SGMS1: variants seen among roughly 807,000 people sequenced by gnomAD.
SGMS1 encodes sphingomyelin synthase 1.
Under a neutral mutation model 46.2 loss-of-function variants are expected in SGMS1, and 13 were observed. The observed-to-expected ratio is 0.28, with a 90% confidence interval of 0.18 to 0.45. SGMS1 has a LOEUF of 0.45. Ranked by LOEUF, SGMS1 falls within the 20% of genes least tolerant of loss-of-function variation. The pLI, the probability that SGMS1 is intolerant of heterozygous loss-of-function variation, is 1.00. For missense variants in SGMS1, 324 were observed against 519.9 expected, an observed-to-expected ratio of 0.62 and a Z score of 3.66; for synonymous variants, 203 against 187.8, an observed-to-expected ratio of 1.08 and a Z score of -0.66.
At chr10:50,477,835 G>T (rs552465888) in intron 3 of SGMS1, among the ~76,000 whole-genome samples, 1 of 152,202 alleles carries the variant, frequency 6.6e-6, no homozygotes, top group East Asian at 1.9e-4. Context: ...CTTCTGCCAC[G>T]ATTGTAAGTT....
At chr10:50,310,527 A>C (rs1028070264) in intron 9 of SGMS1, among the ~76,000 whole-genome samples, 4 of 152,176 alleles carry the variant, frequency 2.6e-5, no homozygotes, top group Non-Finnish European at 5.9e-5. Context: ...TATGTATATA[A>C]ATTTAAAAAA....
At chr10:50,372,731 A>G (rs1848460257) in intron 6 of SGMS1, among the ~76,000 whole-genome samples, 1 of 140,238 alleles carries the variant, frequency 7.1e-6, no homozygotes. Flanking sequence ...AGATTTTTAC[A>G]TGGGAAAGTA....
intron 2 of SGMS1, among the ~76,000 whole-genome samples, chr10:50,587,631 A>ACGTG (rs1554794355): frequency 8.4e-6 from 1 of 118,658 alleles, no homozygotes; most frequent in Non-Finnish European, 1.8e-5. Flanking sequence ...CTCAAAATAT[A>ACGTG]TATGTGTGTG....
chr10:50,427,194 A>C (rs1191148817), intron 6 of SGMS1, among the ~76,000 whole-genome samples: 1 of 152,126 alleles, frequency 6.6e-6, no homozygotes, highest in Non-Finnish European at 1.5e-5. Context: ...GTCAGGAGAT[A>C]GAGACAATCC....
intron 2 of SGMS1, among the ~76,000 whole-genome samples, chr10:50,576,447 C>T (rs893908493): frequency 2.0e-5 from 3 of 152,214 alleles, no homozygotes; most frequent in South Asian, 2.1e-4. Context: ...TGGAGGAGCA[C>T]GCCCCTTTTG....
At chr10:50,595,207 G>A (rs774983975) in intron 1 of SGMS1, among the ~76,000 whole-genome samples, 4 of 150,652 alleles carry the variant, frequency 2.7e-5, no homozygotes, top group Non-Finnish European at 5.9e-5. Flanking sequence ...ATGGAGTCCC[G>A]CTCTGTTGCC....
chr10:50,370,438 T>A (rs1172519462), intron 6 of SGMS1, among the ~76,000 whole-genome samples: 1 of 151,256 alleles, frequency 6.6e-6, no homozygotes, highest in South Asian at 2.1e-4. Context: ...TTAAAAAATT[T>A]TTTTTTTTTA....
intron 2 of SGMS1, among the ~76,000 whole-genome samples, chr10:50,568,111 T>G (rs2131852782): frequency 1.3e-5 from 2 of 152,312 alleles, no homozygotes; most frequent in Non-Finnish European, 2.9e-5. Context: ...ATACCTAAAA[T>G]ATATCAAACA....
At chr10:50,597,770 T>C (rs1838608701) in intron 1 of SGMS1, among the ~76,000 whole-genome samples, 1 of 152,098 alleles carries the variant, frequency 6.6e-6, no homozygotes, top group Admixed American at 6.6e-5. Context: ...CCCAGCACTT[T>C]GGGAGGCCGA....
intron 3 of SGMS1, among the ~76,000 whole-genome samples, chr10:50,468,193 C>T (rs1251716252): frequency 6.6e-6 from 1 of 152,172 alleles, no homozygotes; most frequent in Non-Finnish European, 1.5e-5. Context: ...GATACCAATA[C>T]TGAGTCTCAA....
At chr10:50,480,958 T>C (rs1837471312) in intron 3 of SGMS1, among the ~76,000 whole-genome samples, 1 of 151,416 alleles carries the variant, frequency 6.6e-6, no homozygotes, top group Admixed American at 6.6e-5. Context: ...GGGCAGGGCA[T>C]CCCTGTGGGA....
chr10:50,548,302 T>C (rs1185407642), intron 2 of SGMS1, among the ~76,000 whole-genome samples: 1 of 152,174 alleles, frequency 6.6e-6, no homozygotes. Flanking sequence ...GCTACCCAAC[T>C]TCAAACTATA....
intron 6 of SGMS1, among the ~76,000 whole-genome samples, chr10:50,424,243 C>T (rs1849293973): frequency 6.6e-6 from 1 of 152,192 alleles, no homozygotes; most frequent in Non-Finnish European, 1.5e-5. Flanking sequence ...CAGTCACAGT[C>T]ACTAGCCAGA....
At chr10:50,550,293 A>T (rs1407666990) in intron 2 of SGMS1, among the ~76,000 whole-genome samples, 1 of 152,216 alleles carries the variant, frequency 6.6e-6, no homozygotes, top group Non-Finnish European at 1.5e-5. Context: ...CTTGGTAGCA[A>T]ATAATAGGCC....
chr10:50,319,529 A>G (rs7090022), intron 8 of SGMS1, among the ~76,000 whole-genome samples: 5,571 of 152,278 alleles, frequency 0.037, 342 homozygotes, highest in African/African-American at 0.13. Flanking sequence ...GAGAATACAC[A>G]TTGAGGTTAC....
At chr10:50,623,442 G>A (rs1838876169) in intron 1 of SGMS1, 1 of 328,612 alleles carries the variant, frequency 3.0e-6, no homozygotes, top group African/African-American at 2.3e-5. Flanking sequence ...CCCCAACTTA[G>A]CCGGGGAGCC....
chr10:50,308,932 C>T (rs1489616097), intron 9 of SGMS1, among the ~76,000 whole-genome samples: 1 of 152,198 alleles, frequency 6.6e-6, no homozygotes, highest in African/African-American at 2.4e-5. Context: ...AAGAACCAGT[C>T]ATTCATTCAA....
At chr10:50,576,761 C>T (rs771335574) in intron 2 of SGMS1, among the ~76,000 whole-genome samples, 2 of 152,180 alleles carry the variant, frequency 1.3e-5, no homozygotes, top group African/African-American at 4.8e-5. Flanking sequence ...ACCCATTGCA[C>T]CACATGTATA....
At chr10:50,538,895 C>G (rs1016998899) in intron 2 of SGMS1, among the ~76,000 whole-genome samples, 1 of 152,228 alleles carries the variant, frequency 6.6e-6, no homozygotes, top group Admixed American at 6.5e-5. Flanking sequence ...GGGTTAAAGT[C>G]TGCCATGAAA....
Sources: allele counts gnomAD v4.1 joint callset (sites outside exome capture counted in the v4.1 genomes callset), GRCh38; gene constraint gnomAD v4.1.1; transcripts MANE v1.5; gene names NCBI Gene and HGNC (gene_info 2026-07-23, HGNC 2026-07-21).